The following GNG7 variants were observed in gnomAD, a reference collection of about 807,000 sequenced individuals.
GNG7 encodes the protein G protein subunit gamma 7, also known as guanine nucleotide-binding protein G(I)/G(S)/G(O) subunit gamma-7.
A neutral mutation model predicts 4.0 loss-of-function variants in GNG7; 1 was observed. The ratio of observed to expected loss-of-function variants is 0.25; its 90% CI spans 0.09 to 1.18. The LOEUF (loss-of-function observed/expected upper bound fraction) is 1.18, where lower values mean the gene tolerates loss of function less well. Among genes scored for constraint, GNG7 ranks in the 50% most tolerant of loss-of-function variants. GNG7 has a pLI of 0.50. For missense variants in GNG7, 86 were observed against 91.9 expected (o/e 0.94, Z 0.26); for synonymous variants, 34 against 36.9 (o/e 0.92, Z 0.29).
Position 2,657,387 on chromosome 19 carries a change from T to A in GNG7, c.-134-11107A>T, listed in dbSNP as rs1158732386. Among the ~76,000 whole-genome samples, 51 of 81,700 alleles carry A rather than the reference T, an allele frequency of 6.2e-4. 2 individuals carry two copies. Among genetic ancestry groups the A allele is most frequent in the African/African-American group, 8.5e-4 (18 of 21,240 alleles). 53.6% of individuals were successfully genotyped at this position (81,700 alleles called of 152,430 possible). On this transcript the variant is annotated intron_variant, in intron 1 of 4. Coordinates refer to ENST00000382159, the MANE Select transcript of GNG7 (RefSeq NM_052847.3). ...ATATATATATATATATATATATATA[T>A]ATATATATATATACACATAATAACA...
intron 2 of GNG7, among the ~76,000 whole-genome samples, chr19:2,645,359 C>T (rs991373820): frequency 4.6e-5 from 7 of 151,908 alleles, no homozygotes; most frequent in African/African-American, 1.7e-4. Context: ...GCACCTCAGC[C>T]TCCCGAGTAG....
intron 2 of GNG7, among the ~76,000 whole-genome samples, chr19:2,571,171 G>A (rs1980134260): frequency 6.6e-6 from 1 of 151,698 alleles, no homozygotes; most frequent in Admixed American, 6.6e-5. Flanking sequence ...CTCTCGGACT[G>A]TCACCGATGG....
intron 1 of GNG7, among the ~76,000 whole-genome samples, chr19:2,690,392 T>TAAAATA (rs939009805): frequency 1.6e-4 from 24 of 151,842 alleles, no homozygotes; most frequent in African/African-American, 5.1e-4. Context: ...AAAAATAAAA[T>TAAAATA]AAAATAAAAA....
chr19:2,576,157 T>C (rs1980332732), intron 2 of GNG7, among the ~76,000 whole-genome samples: 1 of 152,230 alleles, frequency 6.6e-6, no homozygotes, highest in African/African-American at 2.4e-5. Context: ...CACGGGCACG[T>C]GCTCCCAGAG....
In GNG7 at chr19:2,552,590, G is replaced by A. The variant is rs112529199; in HGVS notation, c.-38+2559C>T. ...AGTAGAGATGAGGTTTCATCTTGTTGGTCAGGCTAGTCTCGAACTCCTGAC... is the reference window on the plus strand; with the variant it reads ...AGTAGAGATGAGGTTTCATCTTGTTAGTCAGGCTAGTCTCGAACTCCTGAC... On this transcript the variant is annotated intron_variant, in intron 3 of 4. Coordinates refer to ENST00000382159, the MANE Select transcript of GNG7 (RefSeq NM_052847.3). Among the ~76,000 whole-genome samples the A allele has an allele frequency of 4.4e-3, 672 of 151,538 alleles. 3 individuals carry two copies. Among genetic ancestry groups the A allele is most frequent in the Non-Finnish European group, 7.9e-3 (534 of 67,930 alleles).
chr19:2,681,867 G>C (rs1321746997), intron 1 of GNG7, among the ~76,000 whole-genome samples: 1 of 152,112 alleles, frequency 6.6e-6, no homozygotes, highest in Non-Finnish European at 1.5e-5. Context: ...ATTTCCCTGA[G>C]GACTGATGCG....
chr19:2,660,861 C>A (rs1388729757), intron 1 of GNG7, among the ~76,000 whole-genome samples: 1 of 152,152 alleles, frequency 6.6e-6, no homozygotes, highest in Non-Finnish European at 1.5e-5. Flanking sequence ...GGGAAGCCAG[C>A]TGCCATGTTG....
At chr19:2,664,198 C>T (rs1031223010) in intron 1 of GNG7, among the ~76,000 whole-genome samples, 2 of 152,172 alleles carry the variant, frequency 1.3e-5, no homozygotes, top group African/African-American at 2.4e-5. Flanking sequence ...TCTGCCAGCA[C>T]GTGGCAGGGG....
At chr19:2,582,035 G>A (rs1431602657) in intron 2 of GNG7, among the ~76,000 whole-genome samples, 1 of 152,088 alleles carries the variant, frequency 6.6e-6, no homozygotes, top group Non-Finnish European at 1.5e-5. Context: ...CTTTGCCAAA[G>A]GGACGAGAGA....
chr19:2,538,118 A>T (rs1978810254), intron 3 of GNG7: 1 of 454,506 alleles, frequency 2.2e-6, no homozygotes, highest in Non-Finnish European at 4.4e-6. Context: ...CAATGAATGG[A>T]GAGGAGAAAA....
At chr19:2,568,757 CAT>C (rs1980045184) in intron 2 of GNG7, among the ~76,000 whole-genome samples, 1 of 151,618 alleles carries the variant, frequency 6.6e-6, no homozygotes. Flanking sequence ...CACATACACA[CAT>C]ACACATATAC....
Position 2,511,669 on chromosome 19 carries a change from TG to T in GNG7, c.*3352del. 2.6e-6 allele frequency: 1 copy of T among 386,954 alleles called. No individual in the cohort carries two copies. Among genetic ancestry groups the T allele is most frequent in the Non-Finnish European group, 3.5e-6 (1 of 282,642 alleles). 24.0% of individuals were successfully genotyped at this position (386,954 alleles called of 1,614,324 possible). On this transcript the variant is annotated 3_prime_UTR_variant, in exon 5 of 5. Transcript: ENST00000382159. This position sits in a 1 kb window ranked among gnomAD's most constrained non-coding sequence, Gnocchi z 6.3. ...GCAGGACGGGCTGTTAACTTGGAGATGGATGCGTGGCCTGGAGGCCTAGCGT... is the reference window on the plus strand; with the variant it reads ...GCAGGACGGGCTGTTAACTTGGAGATGATGCGTGGCCTGGAGGCCTAGCGT...
chr19:2,528,278 A>AAC (rs1978475289), intron 3 of GNG7, among the ~76,000 whole-genome samples: 1 of 149,086 alleles, frequency 6.7e-6, no homozygotes, highest in African/African-American at 2.5e-5. Flanking sequence ...CTAAAAAAAA[A>AAC]AAAAAAAAAA....
chr19:2,700,564 T>A (rs1461532798), intron 1 of GNG7: 5 of 152,100 alleles, frequency 3.3e-5, no homozygotes, highest in African/African-American at 1.2e-4. Context: ...GTCATCCCAC[T>A]CCTCCATCTC....
intron 1 of GNG7, among the ~76,000 whole-genome samples, chr19:2,683,910 G>A (rs569946275): frequency 3.3e-5 from 5 of 152,286 alleles, no homozygotes; most frequent in South Asian, 2.1e-4. Context: ...GGACAGCATC[G>A]GCCAGAGGAG....
chr19:2,637,961 G>A (rs1982360754), intron 2 of GNG7, among the ~76,000 whole-genome samples: 2 of 152,210 alleles, frequency 1.3e-5, no homozygotes, highest in African/African-American at 4.8e-5. Flanking sequence ...GAGTTGGGAG[G>A]GAGAGAGGAG....
At chr19:2,544,234 G>T (rs1432607115) in intron 3 of GNG7, among the ~76,000 whole-genome samples, 1 of 152,210 alleles carries the variant, frequency 6.6e-6, no homozygotes, top group African/African-American at 2.4e-5. Context: ...TGGGAGAGAA[G>T]AGAAGGCTCC....
chr19:2,683,225 A>C (rs60007846), intron 1 of GNG7, among the ~76,000 whole-genome samples: 38,638 of 150,564 alleles, frequency 0.26, 5,583 homozygotes, highest in East Asian at 0.6. Context: ...GGCGACAGAG[A>C]AAGACTCCGT....
At chr19:2,528,594 C>T (rs1467000260) in intron 3 of GNG7, among the ~76,000 whole-genome samples, 1 of 152,106 alleles carries the variant, frequency 6.6e-6, no homozygotes, top group Non-Finnish European at 1.5e-5. Flanking sequence ...GGAGAGGCCC[C>T]ACAGGGCGGG....
Sources: allele counts gnomAD v4.1 joint callset (sites outside exome capture counted in the v4.1 genomes callset), GRCh38; gene constraint gnomAD v4.1.1; non-coding constraint Gnocchi (gnomAD v3.1); transcripts MANE v1.5; gene names NCBI Gene and HGNC (gene_info 2026-07-23, HGNC 2026-07-21).